The following SCAPER variants were observed in gnomAD, a reference collection of about 807,000 sequenced individuals.
SCAPER encodes the protein S phase cyclin A-associated protein in the endoplasmic reticulum.
In SCAPER, 98 loss-of-function variants were observed where a neutral mutation model predicts 182.2. The ratio of observed to expected loss-of-function variants is 0.54; its 90% CI spans 0.46 to 0.64. SCAPER has a LOEUF of 0.64. Among genes scored for constraint, SCAPER ranks in the 30% least tolerant of loss-of-function variants. SCAPER has a pLI of 0.00. For synonymous variants in SCAPER, 605 were observed against 564.6 expected (o/e 1.07, Z -1.01); for missense variants, 1,432 against 1,690.0 (o/e 0.85, Z 2.68).
intron 10 of SCAPER, 47 bp from the exon 11 acceptor site, chr15:76,767,135 CTGGA>C: frequency 6.8e-7 from 1 of 1,465,082 alleles, no homozygotes; most frequent in African/African-American, 1.4e-5. Flanking sequence ...GATCACTTGA[CTGGA>C]AAGTAATCAT....
At chr15:76,570,439 C>T (rs775834199) in intron 23 of SCAPER, among the ~76,000 whole-genome samples, 1 of 152,054 alleles carries the variant, frequency 6.6e-6, no homozygotes, top group African/African-American at 2.4e-5. Flanking sequence ...TGGATCTTGG[C>T]CCAGTAATTA....
chr15:76,618,216 C>T (rs1025519330), intron 22 of SCAPER, among the ~76,000 whole-genome samples: 6 of 152,114 alleles, frequency 3.9e-5, no homozygotes, highest in African/African-American at 7.2e-5. Context: ...GTCGAGATCA[C>T]GCCACTACAT....
chr15:76,415,178 A>C (rs2045566220), intron 26 of SCAPER, among the ~76,000 whole-genome samples: 1 of 152,220 alleles, frequency 6.6e-6, no homozygotes, highest in Admixed American at 6.5e-5. Context: ...GATGGGAACT[A>C]AAATTTGTAC....
intron 15 of SCAPER, among the ~76,000 whole-genome samples, chr15:76,751,993 A>C (rs1054725215): frequency 3.3e-5 from 5 of 151,712 alleles, no homozygotes; most frequent in Non-Finnish European, 1.5e-5. Context: ...GATTTAAAAC[A>C]AATTGATATC....
chr15:76,685,087 T>C (rs2057953248), intron 20 of SCAPER, among the ~76,000 whole-genome samples: 1 of 151,924 alleles, frequency 6.6e-6, no homozygotes, highest in South Asian at 2.1e-4. Flanking sequence ...CAGTTTAATA[T>C]TAGGAAATAA....
chr15:76,356,808 A>G (rs535712107), intron 29 of SCAPER, among the ~76,000 whole-genome samples: 85 of 152,276 alleles, frequency 5.6e-4, no homozygotes, highest in African/African-American at 2.0e-3. Flanking sequence ...GACTACCTGT[A>G]GATTTCTTTG....
chr15:76,519,875 T>C (rs2042708162), intron 23 of SCAPER, among the ~76,000 whole-genome samples: 1 of 152,216 alleles, frequency 6.6e-6, no homozygotes, highest in African/African-American at 2.4e-5. Flanking sequence ...GAGCTCTTCC[T>C]TTTTCTAGGC....
chr15:76,845,178 A>G (rs1490859766), intron 4 of SCAPER, among the ~76,000 whole-genome samples: 2 of 152,166 alleles, frequency 1.3e-5, no homozygotes, highest in East Asian at 3.8e-4. Context: ...ACATCCCTTC[A>G]TGATAAAAAC....
intron 23 of SCAPER, among the ~76,000 whole-genome samples, chr15:76,525,272 C>T (rs1462903026): frequency 2.0e-5 from 3 of 151,970 alleles, no homozygotes; most frequent in Non-Finnish European, 4.4e-5. Flanking sequence ...TATCATAAGG[C>T]CCTTAGCATA....
chr15:76,647,588 TA>T (rs1294186518), intron 21 of SCAPER, among the ~76,000 whole-genome samples: 1 of 152,098 alleles, frequency 6.6e-6, no homozygotes, highest in Non-Finnish European at 1.5e-5. Context: ...TGGGGCAGAG[TA>T]GCAGAGTGAA....
intron 2 of SCAPER, among the ~76,000 whole-genome samples, chr15:76,871,572 CTTTT>C (rs1178328861): frequency 1.6e-5 from 2 of 123,188 alleles, no homozygotes; most frequent in African/African-American, 3.1e-5. Flanking sequence ...TTACAATTTG[CTTTT>C]TTTTTTTTTT....
At chr15:76,688,984 G>A (rs11635273) in intron 20 of SCAPER, among the ~76,000 whole-genome samples, 47,491 of 151,426 alleles carry the variant, frequency 0.31, 7,739 homozygotes, top group East Asian at 0.55. Context: ...GAGTAGCTGG[G>A]ACTACAGGTG....
At chr15:76,537,693 G>T (rs1234501341) in intron 23 of SCAPER, among the ~76,000 whole-genome samples, 1 of 151,830 alleles carries the variant, frequency 6.6e-6, no homozygotes, top group Non-Finnish European at 1.5e-5. Flanking sequence ...AAAAGCAATG[G>T]CAACGAAAGC....
intron 20 of SCAPER, among the ~76,000 whole-genome samples, chr15:76,685,446 A>G (rs1282820129): frequency 6.6e-6 from 1 of 152,160 alleles, no homozygotes; most frequent in African/African-American, 2.4e-5. Context: ...ATAAGAGTTT[A>G]ACAAGAGGGC....
At chr15:76,540,620 A>G (rs1419812669) in intron 23 of SCAPER, among the ~76,000 whole-genome samples, 1 of 152,030 alleles carries the variant, frequency 6.6e-6, no homozygotes, top group Non-Finnish European at 1.5e-5. Context: ...AGCTGTTAAA[A>G]TTGTTATGTC....
chr15:76,561,827 GTTT>G (rs34809622), intron 23 of SCAPER, among the ~76,000 whole-genome samples: 10 of 138,572 alleles, frequency 7.2e-5, no homozygotes, highest in East Asian at 6.2e-4. Context: ...CCTAGTATTA[GTTT>G]TTTTTTTTTT....
chr15:76,803,350 A>T (rs1352830267), intron 6 of SCAPER, among the ~76,000 whole-genome samples: 1 of 152,136 alleles, frequency 6.6e-6, no homozygotes, highest in Non-Finnish European at 1.5e-5. Flanking sequence ...TCTCAATTTA[A>T]ATGTCACCTC....
chr15:76,426,159 A>C (rs2046408844), intron 26 of SCAPER, among the ~76,000 whole-genome samples: 1 of 152,188 alleles, frequency 6.6e-6, no homozygotes, highest in African/African-American at 2.4e-5. Context: ...GGGACATTTA[A>C]GTCTGCAGAG....
rs76844473 is a variant in SCAPER at position 76,507,198 on chromosome 15, T to C, written c.2839-2224A>G. ...AGAGTAGGCTCTGGTCCAATATGAC[T>C]GGCGTTCTTATAAGAGGAGAAAGAG... On this transcript the variant is annotated intron_variant, in intron 23 of 31. Coordinates refer to ENST00000563290, the MANE Select transcript of SCAPER (RefSeq NM_020843.4). Among the ~76,000 whole-genome samples the C allele has an allele frequency of 7.9e-3, 1,203 of 152,226 alleles. 11 individuals carry two copies. Among genetic ancestry groups the C allele is most frequent in the African/African-American group, 0.028 (1,143 of 41,542 alleles).
Sources: gnomAD v4.1 joint callset for allele counts (sites outside exome capture counted in the v4.1 genomes callset) on GRCh38, gnomAD v4.1.1 for gene constraint, MANE v1.5 for transcripts, NCBI Gene and HGNC (gene_info 2026-07-23, HGNC 2026-07-21) for gene names.